The following KLHL7 variants were observed in gnomAD, a reference collection of about 807,000 sequenced individuals.
The protein encoded by KLHL7 is kelch-like protein 7.
A neutral mutation model predicts 67.4 loss-of-function variants in KLHL7; 44 were observed. The observed-to-expected ratio is 0.65, with a 90% CI of 0.51 to 0.84. KLHL7 has a LOEUF of 0.84. KLHL7 is among the 40% of genes least tolerant of loss of function. KLHL7 has a pLI of 0.00. For synonymous variants in KLHL7, 252 were observed against 243.3 expected, an observed-to-expected ratio of 1.04 and a Z score of -0.33; for missense variants, 362 against 718.1, an observed-to-expected ratio of 0.50 and a Z score of 5.67.
chr7:23,144,967 A>G (rs1007027287), intron 6 of KLHL7, among the ~76,000 whole-genome samples: 2 of 150,032 alleles, frequency 1.3e-5, no homozygotes, highest in African/African-American at 2.4e-5. Flanking sequence ...GCGTGGAGGC[A>G]TGTGCCTGTG....
chr7:23,170,174 A>G (rs923114075), intron 9 of KLHL7, among the ~76,000 whole-genome samples: 22 of 152,246 alleles, frequency 1.4e-4, no homozygotes, highest in African/African-American at 5.1e-4. Flanking sequence ...AGATCGTGCC[A>G]TTGCACTGCA....
At chr7:23,172,782 A>G in intron 9 of KLHL7, 166 bp from the exon 10 acceptor site, 1 of 593,650 alleles carries the variant, frequency 1.7e-6, no homozygotes, top group Admixed American at 2.6e-5. Flanking sequence ...AATTACCCAT[A>G]ATCATTGTTC....
At chr7:23,129,408 C>G (rs1783710857) in intron 4 of KLHL7, 1 of 390,552 alleles carries the variant, frequency 2.6e-6, no homozygotes, top group Admixed American at 3.0e-5. Context: ...GCTGGCCCTT[C>G]ATGAACTGAA....
chr7:23,105,983 C>T lies in KLHL7; in HGVS notation c.-44C>T, dbSNP rs1341962299. On this transcript the variant is annotated 5_prime_UTR_variant, in exon 1 of 11. Transcript: ENST00000339077. ...AGTGTGCCCAGAGAGTGCGACCCCT[C>T]GCCCGGCCCGGCGAGCCCCGGGCGT... 3 of 1,595,632 alleles carry T rather than the reference C, an allele frequency of 1.9e-6. No individual in the cohort carries two copies. Among genetic ancestry groups the T allele is most frequent in the Admixed American group, 1.8e-5 (1 of 56,998 alleles).
intron 7 of KLHL7, among the ~76,000 whole-genome samples, chr7:23,152,923 G>A (rs1784584323): frequency 6.6e-6 from 1 of 152,142 alleles, no homozygotes; most frequent in Admixed American, 6.5e-5. Flanking sequence ...CATCCTAAAG[G>A]ATAACACCCC....
intron 4 of KLHL7, among the ~76,000 whole-genome samples, chr7:23,140,278 G>C (rs1371620365): frequency 6.6e-6 from 1 of 152,168 alleles, no homozygotes; most frequent in East Asian, 1.9e-4. Context: ...AAACCAGCTG[G>C]GCGCGGTGGC....
At chr7:23,113,426 C>T (rs1338572072) in intron 1 of KLHL7, among the ~76,000 whole-genome samples, 6 of 152,194 alleles carry the variant, frequency 3.9e-5, no homozygotes, top group Non-Finnish European at 8.8e-5. Context: ...TTGGTGGAAT[C>T]ACTTTTCTTT....
Position 23,105,933 on chromosome 7 carries a change from G to C in KLHL7, c.-94G>C. On this transcript the variant is annotated 5_prime_UTR_variant, in exon 1 of 11. Transcript: ENST00000339077. Reference sequence around the variant, plus strand: ...GGGCGCTGCAGCTGCACTGCCGATCGCCGTGTTTGGTCGATAGAATCCCCA... The same window carrying C: ...GGGCGCTGCAGCTGCACTGCCGATCCCCGTGTTTGGTCGATAGAATCCCCA... 6.5e-7 allele frequency: 1 copy of C among 1,535,266 alleles called. No individual in the cohort carries two copies.
In KLHL7 at chr7:23,105,984, GC is replaced by G. The variant is rs1376400057; in HGVS notation, c.-40del. On this transcript the variant is annotated 5_prime_UTR_variant, in exon 1 of 11. Transcript: ENST00000339077. ...GTGTGCCCAGAGAGTGCGACCCCTC[GC>G]CCGGCCCGGCGAGCCCCGGGCGTGA... 3 of 1,596,348 alleles carry G rather than the reference GC, an allele frequency of 1.9e-6. No homozygotes were observed. Among genetic ancestry groups the G allele is most frequent in the Non-Finnish European group, 2.6e-6 (3 of 1,174,080 alleles).
intron 6 of KLHL7, among the ~76,000 whole-genome samples, chr7:23,146,092 C>T (rs1337929956): frequency 2.6e-5 from 4 of 152,316 alleles, no homozygotes; most frequent in African/African-American, 7.2e-5. Context: ...TGGAACATTT[C>T]TCTTTCAGTA....
chr7:23,131,805 T>A (rs913935621), intron 4 of KLHL7, among the ~76,000 whole-genome samples: 5 of 150,608 alleles, frequency 3.3e-5, no homozygotes, highest in Non-Finnish European at 7.4e-5. Context: ...AGGCCTCTGG[T>A]AACCATCTTT....
intron 1 of KLHL7, among the ~76,000 whole-genome samples, chr7:23,111,985 C>T (rs1430192610): frequency 6.6e-6 from 1 of 152,006 alleles, no homozygotes; most frequent in African/African-American, 2.4e-5. Context: ...TAAGCAACAT[C>T]AATGAAGAAA....
intron 9 of KLHL7, among the ~76,000 whole-genome samples, chr7:23,170,843 G>C (rs1391918223): frequency 6.6e-6 from 1 of 150,642 alleles, no homozygotes; most frequent in Non-Finnish European, 1.5e-5. Context: ...ACTGAAGAAA[G>C]AAAGAAATTA....
chr7:23,112,354 G>A (rs1289688193), intron 1 of KLHL7, among the ~76,000 whole-genome samples: 1 of 152,198 alleles, frequency 6.6e-6, no homozygotes, highest in African/African-American at 2.4e-5. Context: ...TGACACTGAA[G>A]TATATATGAC....
chr7:23,141,956 T>A (rs1661186879), intron 5 of KLHL7, among the ~76,000 whole-genome samples: 1 of 151,840 alleles, frequency 6.6e-6, no homozygotes, highest in African/African-American at 2.4e-5. Context: ...TCTCACTCTG[T>A]TGCCCAGGCT....
chr7:23,150,178 T>C (rs1370422416), intron 6 of KLHL7, among the ~76,000 whole-genome samples: 1 of 152,142 alleles, frequency 6.6e-6, no homozygotes, highest in Non-Finnish European at 1.5e-5. Flanking sequence ...TAAAATAAAA[T>C]GGCCTTATTT....
At chr7:23,169,653 T>C (rs537419298) in intron 9 of KLHL7, among the ~76,000 whole-genome samples, 2 of 152,350 alleles carry the variant, frequency 1.3e-5, no homozygotes, top group East Asian at 1.9e-4. Context: ...TAAATTAATA[T>C]TGATTTTTTA....
chr7:23,126,339 C>A (rs1370101516), intron 4 of KLHL7, among the ~76,000 whole-genome samples: 1 of 152,152 alleles, frequency 6.6e-6, no homozygotes. Flanking sequence ...TTTTGAACCA[C>A]AGAAAGCAAA....
intron 6 of KLHL7, among the ~76,000 whole-genome samples, chr7:23,147,808 G>A (rs1784406470): frequency 6.6e-6 from 1 of 152,236 alleles, no homozygotes; most frequent in African/African-American, 2.4e-5. Context: ...CCTCGAACCT[G>A]CATGAGGGTA....
Sources: gnomAD v4.1 joint callset for allele counts (sites outside exome capture counted in the v4.1 genomes callset) on GRCh38, gnomAD v4.1.1 for gene constraint, MANE v1.5 for transcripts, NCBI Gene and HGNC (gene_info 2026-07-23, HGNC 2026-07-21) for gene names.